SHPRH: variants seen among roughly 807,000 people sequenced by gnomAD.
SHPRH encodes the protein SNF2 histone linker PHD RING helicase, also known as E3 ubiquitin-protein ligase SHPRH.
Under a neutral mutation model 202.5 loss-of-function variants are expected in SHPRH, and 106 were observed. That is an observed-to-expected ratio of 0.52 (90% confidence interval 0.45 to 0.62). SHPRH has a LOEUF of 0.62. Ranked by LOEUF, SHPRH falls within the 20% of genes least tolerant of loss-of-function variation. The probability of loss-of-function intolerance (pLI) is 0.00; values close to 1 mark genes in which losing one functional copy is unlikely to be tolerated. For synonymous variants in SHPRH, 729 were observed against 686.0 expected (o/e 1.06, Z -0.98); for missense variants, 1,710 against 2,020.0 (o/e 0.85, Z 2.94).
intron 20 of SHPRH, 132 bp from the exon 21 acceptor site, chr6:145,921,524 A>G (rs1383871446): frequency 2.4e-6 from 2 of 849,220 alleles, no homozygotes; most frequent in African/African-American, 3.9e-5. Flanking sequence ...AGCTGAAAAC[A>G]TCATAAATTT....
rs748596189 is a variant in SHPRH, at chr6:145,922,678, C to T, written c.3704G>A (p.Arg1235Lys). 1 of 1,605,698 alleles carries T rather than the reference C, an allele frequency of 6.2e-7. No individual in the cohort carries two copies. The highest frequency in any genetic ancestry group is 8.5e-7 in the Non-Finnish European group (1 of 1,176,592). The change falls in exon 19 of 30, where the codon AGA (arginine) becomes AAA (lysine). Residue 1235 changes from arginine (R) to lysine (K), a missense_variant. Arg to Lys is a conservative substitution (Grantham distance 26). Transcript: ENST00000275233. Reference sequence around the variant, plus strand: ...TATTACCTACCAGTTGAGAGGAAGTCTGGCTGGTCGGAGGTGACAGACTGT... The same window carrying T: ...TATTACCTACCAGTTGAGAGGAAGTTTGGCTGGTCGGAGGTGACAGACTGT... ...SATVCHLRPA[R>K]LPLNCCVFCK...
rs1029591576 is a variant in SHPRH at position 145,894,279 on chromosome 6, G to C, written c.4609-43C>G. The C allele has an allele frequency of 2.8e-6, 4 of 1,408,480 alleles. No homozygotes were observed. The African/African-American group carries it at 4.4e-5, about 15-fold the overall frequency. The allele number at this position is 1,408,480 out of a possible 1,614,324, so 87.2% of individuals were successfully genotyped here. A position where few individuals can be genotyped will look rare whatever the true frequency, so the allele number is the denominator to read the frequency against. Reference sequence around the variant, plus strand: ...ATAAGAAAACCAATATTTACACGTAGCCTTTATCTAAGGGTATCTGAAAAG... The same window carrying C: ...ATAAGAAAACCAATATTTACACGTACCCTTTATCTAAGGGTATCTGAAAAG... On this transcript the variant is annotated intron_variant, in intron 26 of 29. Transcript: ENST00000275233.
At chr6:145,962,285 T>A (rs2128814926) in intron 1 of SHPRH, among the ~76,000 whole-genome samples, 1 of 152,328 alleles carries the variant, frequency 6.6e-6, no homozygotes, top group East Asian at 1.9e-4. Flanking sequence ...TTCAGTGTTG[T>A]ACTCCCAATG....
chr6:145,860,273 T>C (rs1779536224), downstream of SHPRH, among the ~76,000 whole-genome samples: 1 of 151,984 alleles, frequency 6.6e-6, no homozygotes, highest in East Asian at 1.9e-4. Context: ...ACAAAAAAAC[T>C]GTTAGAACTA....
At chr6:145,918,049 C>T in intron 23 of SHPRH, 82 bp downstream of exon 23, 2 of 990,884 alleles carry the variant, frequency 2.0e-6, no homozygotes, top group Non-Finnish European at 3.0e-6. Flanking sequence ...CAACAATTTG[C>T]ACCATTAATT....
At chr6:145,901,200 G>A (rs140704786) in intron 25 of SHPRH, among the ~76,000 whole-genome samples, 1,802 of 152,168 alleles carry the variant, frequency 0.012, 20 homozygotes, top group South Asian at 0.02. Flanking sequence ...ACTCTAACGC[G>A]TGTTGCAGAA....
chr6:145,922,338 A>C lies in SHPRH; in HGVS notation c.3730T>G (p.Cys1244Gly). ...TCTGTGAACAATTCATCAGCTTTAC[A>C]AAAGACACAGCTGAAAAAAAAGAGA... The part of the protein sequence containing the change: ...ARLPLNCCVF[C>G]KADELFTEYE... Residue 1244 changes from cysteine (C) to glycine (G), a missense_variant, in exon 20 of 30, where the codon TGT becomes GGT. Coordinates refer to ENST00000275233, the MANE Select transcript of SHPRH (RefSeq NM_001042683.3). 1 of 1,562,044 alleles carries C rather than the reference A, an allele frequency of 6.4e-7. No homozygotes were observed. The highest frequency in any genetic ancestry group is 8.6e-7 in the Non-Finnish European group (1 of 1,164,144).
At chr6:145,950,146 C>A in intron 4 of SHPRH, 118 bp downstream of exon 4, 2 of 699,454 alleles carry the variant, frequency 2.9e-6, no homozygotes, top group Non-Finnish European at 4.5e-6. Context: ...TTTTATGGCA[C>A]CCATTCTATC....
chr6:145,919,359 C>A lies in SHPRH; in HGVS notation c.4141G>T (p.Glu1381Ter). Reference sequence around the variant, plus strand: ...TACTTGCCAATTACCTCATGTGGTTCAATGATATGAAGAACAGGCGGATTA... The same window carrying A: ...TACTTGCCAATTACCTCATGTGGTTAAATGATATGAAGAACAGGCGGATTA... Reference protein sequence around the residue: ...KPNPPVLHIIEPHEVEQNRIK... With the variant: ...KPNPPVLHII Residue 1381 changes from glutamate to a stop codon, truncating the protein, a stop_gained, in exon 22 of 30, where the codon GAA (glutamate) becomes TAA (stop). Coordinates refer to ENST00000275233, the MANE Select transcript of SHPRH (RefSeq NM_001042683.3). LOFTEE classifies it high-confidence loss of function. 1 of 1,612,796 alleles carries A rather than the reference C, an allele frequency of 6.2e-7. No homozygotes were observed. The highest frequency in any genetic ancestry group is 1.1e-5 in the South Asian group (1 of 91,028).
chr6:145,960,445 T>C (rs1215413684), intron 1 of SHPRH, among the ~76,000 whole-genome samples: 2 of 152,132 alleles, frequency 1.3e-5, no homozygotes, highest in Non-Finnish European at 2.9e-5. Context: ...TTACACAATG[T>C]ATCACACTAA....
At chr6:145,872,343 T>A (rs1173600809) in intron 2 of SHPRH, among the ~76,000 whole-genome samples, 2 of 151,560 alleles carry the variant, frequency 1.3e-5, no homozygotes, top group African/African-American at 4.8e-5. Flanking sequence ...TTAAACAAAT[T>A]TACAAAAAAA....
At chr6:145,882,210 A>C (rs1489787425), downstream of SHPRH, among the ~76,000 whole-genome samples, 1 of 152,200 alleles carries the variant, frequency 6.6e-6, no homozygotes, top group Non-Finnish European at 1.5e-5. Flanking sequence ...GTAATCCCTT[A>C]AAAATAAATC....
chr6:145,941,519 G>A (rs1010631825), intron 10 of SHPRH, 104 bp downstream of exon 10: 30 of 1,509,598 alleles, frequency 2.0e-5, no homozygotes, highest in Non-Finnish European at 2.6e-5. Context: ...ACCAATATCA[G>A]TACTACAGGT....
chr6:145,894,830 TTA>T, intron 26 of SHPRH, 53 bp downstream of exon 26: 1 of 1,544,230 alleles, frequency 6.5e-7, no homozygotes, highest in Non-Finnish European at 8.9e-7. Flanking sequence ...TGTAAACTGA[TTA>T]GAGAGGGAAA....
At chr6:145,939,174 C>T (rs1372243005) in intron 11 of SHPRH, among the ~76,000 whole-genome samples, 1 of 151,880 alleles carries the variant, frequency 6.6e-6, no homozygotes, top group Non-Finnish European at 1.5e-5. Context: ...AGAAAAAAAA[C>T]ATTTAATTGC....
At position 145,943,307 on chromosome 6, in the gene SHPRH, C is replaced by T. The variant is rs1193052747; in HGVS notation, c.2074G>A (p.Asp692Asn). 1 of 1,613,672 alleles carries T rather than the reference C, an allele frequency of 6.2e-7. No homozygotes were observed. Among genetic ancestry groups the T allele is most frequent in the Admixed American group, 1.7e-5 (1 of 59,886 alleles). Residue 692 changes from aspartate (D) to asparagine (N), a missense_variant, in exon 9 of 30, where the codon GAT (aspartate) becomes AAT (asparagine). Asp to Asn is a conservative substitution (Grantham distance 23, BLOSUM62 1). Coordinates refer to ENST00000275233, the MANE Select transcript of SHPRH (RefSeq NM_001042683.3). ...GGCTTGATCTTCAGATTTTTCTCAT[C>T]ATAATTCACACACTTTGCATGTTGC... ...LWQHAKCVNYDEKNLKIKPFY... is the reference protein window; with the variant it reads ...LWQHAKCVNYNEKNLKIKPFY...
intron 23 of SHPRH, 135 bp from the exon 24 acceptor site, chr6:145,913,684 C>A: frequency 1.7e-6 from 1 of 597,720 alleles, no homozygotes; most frequent in East Asian, 3.1e-5. Flanking sequence ...GATGACCCAT[C>A]GATCTCTATA....
intron 1 of SHPRH, among the ~76,000 whole-genome samples, chr6:145,956,182 T>C (rs1002254828): frequency 6.6e-6 from 1 of 152,074 alleles, no homozygotes; most frequent in Non-Finnish European, 1.5e-5. Context: ...CTAGACAATG[T>C]TAAGGAGTCA....
Position 145,955,917 on chromosome 6 carries a change from T to C in SHPRH, c.-32-563A>G, listed in dbSNP as rs529517697. On this transcript the variant is annotated intron_variant, in intron 1 of 29. Transcript: ENST00000275233. Reference sequence around the variant, plus strand: ...GTAAATATTCTCAATATGTTAAAGGTAGAGGAAAACATGAATATGACAAAG... The same window carrying C: ...GTAAATATTCTCAATATGTTAAAGGCAGAGGAAAACATGAATATGACAAAG... Among the ~76,000 whole-genome samples, 4 of 151,774 alleles carry C rather than the reference T, an allele frequency of 2.6e-5. No individual in the cohort carries two copies. The East Asian group carries it at 7.8e-4, about 29-fold the overall frequency.
Sources: allele counts gnomAD v4.1 joint callset (sites outside exome capture counted in the v4.1 genomes callset), GRCh38; gene constraint gnomAD v4.1.1; transcripts MANE v1.5; gene names NCBI Gene and HGNC (gene_info 2026-07-23, HGNC 2026-07-21).